The following CACNA1D variants were observed in gnomAD, a reference collection of about 807,000 sequenced individuals.
CACNA1D encodes the protein calcium voltage-gated channel subunit alpha1 D.
Under a neutral mutation model 257.1 loss-of-function variants are expected in CACNA1D, and 55 were observed. That is an observed-to-expected ratio of 0.21 (90% CI 0.17 to 0.27). The LOEUF (loss-of-function observed/expected upper bound fraction) is 0.27. Ranked by LOEUF, CACNA1D falls within the 10% of genes least tolerant of loss-of-function variation. CACNA1D has a pLI of 1.00. For missense variants in CACNA1D, 1,876 were observed against 2,784.0 expected, an observed-to-expected ratio of 0.67 and a Z score of 7.34; for synonymous variants, 980 against 1,014.9, an observed-to-expected ratio of 0.97 and a Z score of 0.65.
intron 9 of CACNA1D, 31 bp from the exon 10 acceptor site, chr3:53,718,270 A>G (rs1389245712): frequency 8.2e-6 from 13 of 1,593,392 alleles, no homozygotes; most frequent in Non-Finnish European, 1.1e-5. Flanking sequence ...TGTGCCCCGC[A>G]TGCTCTCTGA....
chr3:53,692,176 A>G (rs2094535050), intron 8 of CACNA1D, among the ~76,000 whole-genome samples: 1 of 151,768 alleles, frequency 6.6e-6, no homozygotes, highest in African/African-American at 2.4e-5. Flanking sequence ...GAACCAGTAT[A>G]CAAAGATAAG....
chr3:53,516,548 C>T (rs1045112337), intron 3 of CACNA1D, among the ~76,000 whole-genome samples: 3 of 152,248 alleles, frequency 2.0e-5, no homozygotes, highest in Non-Finnish European at 4.4e-5. Context: ...GAAAGGCCTC[C>T]TGCTGAGACG....
At chr3:53,561,269 A>G (rs1439941671) in intron 3 of CACNA1D, among the ~76,000 whole-genome samples, 2 of 152,214 alleles carry the variant, frequency 1.3e-5, no homozygotes, top group African/African-American at 4.8e-5. Flanking sequence ...AGCCATGTCA[A>G]TAATGGTATA....
At chr3:53,726,134 G>T (rs979469530) in intron 14 of CACNA1D, among the ~76,000 whole-genome samples, 2 of 152,226 alleles carry the variant, frequency 1.3e-5, no homozygotes, top group African/African-American at 4.8e-5. Flanking sequence ...GGTCTCCAGA[G>T]TATGTTGTTG....
intron 20 of CACNA1D, among the ~76,000 whole-genome samples, chr3:53,738,832 G>A (rs994249132): frequency 3.3e-5 from 5 of 151,920 alleles, no homozygotes; most frequent in South Asian, 2.1e-4. Context: ...CAGCCCTGGC[G>A]CCAGGTTGCC....
chr3:53,551,296 TG>T (rs1467563495), intron 3 of CACNA1D, among the ~76,000 whole-genome samples: 1 of 152,198 alleles, frequency 6.6e-6, no homozygotes, highest in Non-Finnish European at 1.5e-5. Context: ...TGATTGGTTA[TG>T]GGGTTGGCAG....
At chr3:53,748,815 C>G (rs1237573841) in intron 26 of CACNA1D, among the ~76,000 whole-genome samples, 2 of 152,134 alleles carry the variant, frequency 1.3e-5, no homozygotes, top group Non-Finnish European at 2.9e-5. Context: ...ACAGTAATCC[C>G]CCTCTTCCTG....
intron 8 of CACNA1D, among the ~76,000 whole-genome samples, chr3:53,691,201 G>A (rs544805833): frequency 2.3e-4 from 35 of 150,854 alleles, no homozygotes; most frequent in African/African-American, 5.4e-4. Context: ...GTACAATGGC[G>A]CGATCTCAGC....
chr3:53,515,049 C>T (rs897604246), intron 3 of CACNA1D, among the ~76,000 whole-genome samples: 4 of 152,164 alleles, frequency 2.6e-5, no homozygotes, highest in Non-Finnish European at 4.4e-5. Flanking sequence ...GGTTAATTCC[C>T]TTGGAACACC....
Position 53,812,290 on chromosome 3 carries a change from G to A in CACNA1D, c.*884G>A, listed in dbSNP as rs368358110. 1.3e-5 allele frequency: 2 copies of A among 152,132 alleles called. No homozygotes were observed. Among genetic ancestry groups the A allele is most frequent in the Non-Finnish European group, 2.9e-5 (2 of 68,028 alleles). The allele number at this position is 152,132 out of a possible 1,614,324, so 9.4% of individuals were successfully genotyped here. ...AATTGTAGTTCCCCACTAAAATCTA[G>A]AAATTATTAGTATTTTTACTCGGGC... On this transcript the variant is annotated 3_prime_UTR_variant, in exon 48 of 48. Transcript: ENST00000350061.
intron 3 of CACNA1D, among the ~76,000 whole-genome samples, chr3:53,630,101 T>G (rs1170814643): frequency 6.6e-6 from 1 of 152,210 alleles, no homozygotes; most frequent in Non-Finnish European, 1.5e-5. Context: ...ACATAACACC[T>G]GTGAAAGATT....
intron 11 of CACNA1D, among the ~76,000 whole-genome samples, chr3:53,720,075 T>C (rs1263410506): frequency 2.0e-5 from 3 of 152,188 alleles, no homozygotes; most frequent in African/African-American, 7.2e-5. Flanking sequence ...TTGTCACTTT[T>C]CTGCTCGAAA....
At position 53,608,196 on chromosome 3, in the gene CACNA1D, G is replaced by T. The variant is rs549314714; in HGVS notation, c.484-42583G>T. Among the ~76,000 whole-genome samples, 12 of 152,070 alleles carry T rather than the reference G, an allele frequency of 7.9e-5. No homozygotes were observed. In the East Asian group the frequency reaches 1.4e-3, roughly 17 times the overall value. On this transcript the variant is annotated intron_variant, in intron 3 of 47. Coordinates refer to ENST00000350061, the MANE Select transcript of CACNA1D (RefSeq NM_001128840.3). ...TTTCAATAATGTTTTGTGGTTTTCA[G>T]TTTCAAATGTTTTGCATAATTTTCT...
At chr3:53,792,087 A>G (rs2095486148) in intron 40 of CACNA1D, 1 of 152,210 alleles carries the variant, frequency 6.6e-6, no homozygotes, top group Non-Finnish European at 1.5e-5. Context: ...TACTACCAGA[A>G]CTTTAAGAAA....
intron 27 of CACNA1D, among the ~76,000 whole-genome samples, chr3:53,750,404 A>G (rs2095214923): frequency 6.6e-6 from 1 of 152,154 alleles, no homozygotes; most frequent in African/African-American, 2.4e-5. Context: ...TATCAGTAGC[A>G]TCTCTGTTTT....
At chr3:53,697,324 A>G (rs763263197) in intron 8 of CACNA1D, among the ~76,000 whole-genome samples, 1 of 152,158 alleles carries the variant, frequency 6.6e-6, no homozygotes, top group Non-Finnish European at 1.5e-5. Flanking sequence ...GAGTAGGAGT[A>G]GGGCTTGTTT....
rs1163478151 is a variant in CACNA1D at position 53,751,434 on chromosome 3, A to C, written c.3517-315A>C. On this transcript the variant is annotated intron_variant, in intron 27 of 47. Transcript: ENST00000350061. This position sits in a 1 kb window ranked among gnomAD's most constrained non-coding sequence, Gnocchi z 4.3. ...AGTCCTCACTCCTGCTTGTGTATAC[A>C]CTGCAGGGCCTCAGGAAAGACAGCT... Among the ~76,000 whole-genome samples the C allele has an allele frequency of 1.3e-5, 2 of 152,178 alleles. No individual in the cohort carries two copies. Among genetic ancestry groups the C allele is most frequent in the African/African-American group, 2.4e-5 (1 of 41,438 alleles).
chr3:53,524,324 A>G (rs1289186055), intron 3 of CACNA1D, among the ~76,000 whole-genome samples: 1 of 152,264 alleles, frequency 6.6e-6, no homozygotes, highest in East Asian at 1.9e-4. Flanking sequence ...ATTCCGTGCC[A>G]TAAACACAGA....
intron 24 of CACNA1D, 33 bp from the exon 25 acceptor site, chr3:53,745,790 A>T: frequency 1.2e-6 from 2 of 1,608,576 alleles, no homozygotes; most frequent in Non-Finnish European, 1.7e-6. Flanking sequence ...AGAAGCCTGC[A>T]TTTACTTAAC....
Sources: gnomAD v4.1 joint callset for allele counts (sites outside exome capture counted in the v4.1 genomes callset) on GRCh38, gnomAD v4.1.1 for gene constraint, Gnocchi (gnomAD v3.1) non-coding constraint, MANE v1.5 for transcripts, NCBI Gene and HGNC (gene_info 2026-07-23, HGNC 2026-07-21) for gene names.